The following ZFHX3 variants were observed in gnomAD, a reference collection of about 807,000 sequenced individuals.
The protein encoded by ZFHX3 is zinc finger homeobox protein 3.
A neutral mutation model predicts 279.1 loss-of-function variants in ZFHX3; 42 were observed. The observed-to-expected ratio is 0.15, with a 90% CI of 0.12 to 0.19. The LOEUF is 0.19. Among genes scored for constraint, ZFHX3 ranks in the 10% least tolerant of loss-of-function variants. The probability of loss-of-function intolerance (pLI) is 1.00; values close to 1 mark genes in which losing one functional copy is unlikely to be tolerated. For missense variants in ZFHX3, 4,981 were observed against 4,754.0 expected (o/e 1.05, Z -1.40); for synonymous variants, 2,293 against 1,957.8 (o/e 1.17, Z -4.52).
intron 1 of ZFHX3, among the ~76,000 whole-genome samples, chr16:73,008,940 ATG>A (rs1476127251): frequency 7.5e-4 from 96 of 127,662 alleles, no homozygotes; most frequent in African/African-American, 3.1e-3. Flanking sequence ...GTGTGTGTGT[ATG>A]TGTGTATATA....
intron 1 of ZFHX3, among the ~76,000 whole-genome samples, chr16:73,024,860 G>A (rs978826000): frequency 2.0e-5 from 3 of 152,174 alleles, no homozygotes; most frequent in Non-Finnish European, 4.4e-5. Flanking sequence ...GGATCCCACA[G>A]CTCAGCGGCT....
At chr16:73,318,745 C>T (rs775332384) in intron 3 of ZFHX3, among the ~76,000 whole-genome samples, 5 of 152,180 alleles carry the variant, frequency 3.3e-5, no homozygotes, top group Non-Finnish European at 7.3e-5. Flanking sequence ...CATTAGTAAA[C>T]TAACGGTATA....
intron 2 of ZFHX3, among the ~76,000 whole-genome samples, chr16:73,478,356 A>G (rs1299390630): frequency 1.3e-5 from 2 of 152,226 alleles, no homozygotes; most frequent in South Asian, 2.1e-4. Context: ...CTCAGATTAA[A>G]AGTCTGATGC....
intron 4 of ZFHX3, among the ~76,000 whole-genome samples, chr16:73,292,258 C>A (rs1295306022): frequency 6.6e-6 from 1 of 152,132 alleles, no homozygotes; most frequent in Admixed American, 6.5e-5. Flanking sequence ...GTGTCCTTTA[C>A]CGAGCACAGC....
At chr16:73,026,912 G>C (rs899211835) in intron 1 of ZFHX3, among the ~76,000 whole-genome samples, 1 of 152,188 alleles carries the variant, frequency 6.6e-6, no homozygotes, top group Non-Finnish European at 1.5e-5. Context: ...TTTGGAGCTA[G>C]AGCCTAGACT....
intron 3 of ZFHX3, among the ~76,000 whole-genome samples, chr16:73,366,782 T>G (rs544186193): frequency 6.6e-6 from 1 of 152,232 alleles, no homozygotes. Context: ...AGGTGAGAGC[T>G]CCAAGATTTC....
chr16:73,093,563 C>T (rs760316527), exon 8 of ZFHX3: 7 of 512,472 alleles, frequency 1.4e-5, no homozygotes, highest in South Asian at 2.9e-5. Context: ...AGCCATTTCT[C>T]GGCCTTGTCT....
At chr16:73,529,724 G>A (rs2019761008) in intron 2 of ZFHX3, among the ~76,000 whole-genome samples, 1 of 152,178 alleles carries the variant, frequency 6.6e-6, no homozygotes, top group African/African-American at 2.4e-5. Flanking sequence ...TAGTAATTCG[G>A]TGGAAAATGA....
chr16:73,082,197 T>G (rs765103568), intron 8 of ZFHX3, among the ~76,000 whole-genome samples: 1 of 152,076 alleles, frequency 6.6e-6, no homozygotes, highest in Non-Finnish European at 1.5e-5. Context: ...GCTTTTATCT[T>G]AGGTGCCTCA....
rs530259594 is a variant in ZFHX3 at position 73,550,228 on chromosome 16, G to A, written c.-1546-93970C>T. Among the ~76,000 whole-genome samples, 6 of 152,222 alleles carry A rather than the reference G, an allele frequency of 3.9e-5. No individual in the cohort carries two copies. The South Asian group carries it at 8.3e-4, about 21-fold the overall frequency. On this transcript the variant is annotated intron_variant, in intron 2 of 17. Coordinates refer to the ZFHX3 transcript ENST00000641206. ...CAGATGACGGCTCATTGAGGCAAAC[G>A]GGTATTGGCGTCCAAATCATTCTGA...
At chr16:72,961,232 G>C (rs951947092) in intron 1 of ZFHX3, among the ~76,000 whole-genome samples, 1 of 152,174 alleles carries the variant, frequency 6.6e-6, no homozygotes, top group Non-Finnish European at 1.5e-5. Flanking sequence ...GCGAGCCCCA[G>C]CTCCACACCT....
At chr16:73,778,661 C>T (rs1261986169) in intron 1 of ZFHX3, among the ~76,000 whole-genome samples, 1 of 152,204 alleles carries the variant, frequency 6.6e-6, no homozygotes, top group Admixed American at 6.5e-5. Context: ...TGTGCCTCTG[C>T]ACAGCGCTAA....
At chr16:73,290,869 T>C (rs951753063) in intron 4 of ZFHX3, among the ~76,000 whole-genome samples, 2 of 152,204 alleles carry the variant, frequency 1.3e-5, no homozygotes, top group African/African-American at 4.8e-5. Flanking sequence ...TAAATTCCTA[T>C]TCAGAGCAAA....
At chr16:73,478,329 G>A (rs1023854940) in intron 2 of ZFHX3, among the ~76,000 whole-genome samples, 4 of 151,752 alleles carry the variant, frequency 2.6e-5, no homozygotes, top group Admixed American at 6.6e-5. Flanking sequence ...CCTGAACAGG[G>A]ACTTGAACCC....
At chr16:73,409,926 G>A (rs967723116) in intron 3 of ZFHX3, among the ~76,000 whole-genome samples, 11 of 151,666 alleles carry the variant, frequency 7.3e-5, no homozygotes, top group African/African-American at 9.7e-5. Context: ...TTGAACTCAC[G>A]GAGATAAAGA....
chr16:73,769,043 T>C (rs1189533018), intron 1 of ZFHX3, among the ~76,000 whole-genome samples: 1 of 152,070 alleles, frequency 6.6e-6, no homozygotes, highest in Non-Finnish European at 1.5e-5. Flanking sequence ...TAAAAAATGA[T>C]TCATTGTTTA....
chr16:72,997,978 A>C (rs1963356939), intron 1 of ZFHX3, among the ~76,000 whole-genome samples: 1 of 152,120 alleles, frequency 6.6e-6, no homozygotes, highest in South Asian at 2.1e-4. Flanking sequence ...GCTACTCAGG[A>C]GGCTGGGATA....
At chr16:73,859,113 A>G (rs1180589672) in intron 1 of ZFHX3, among the ~76,000 whole-genome samples, 1 of 152,216 alleles carries the variant, frequency 6.6e-6, no homozygotes, top group South Asian at 2.1e-4. Context: ...TCAGTCCAAC[A>G]TGGGGAATTA....
intron 7 of ZFHX3, among the ~76,000 whole-genome samples, chr16:73,130,022 C>A (rs1007525220): frequency 2.0e-5 from 3 of 152,270 alleles, no homozygotes; most frequent in African/African-American, 4.8e-5. Flanking sequence ...TTCCAGAATG[C>A]AGAGGCGAAA....
Sources: allele counts gnomAD v4.1 joint callset (sites outside exome capture counted in the v4.1 genomes callset), GRCh38; gene constraint gnomAD v4.1.1; transcripts MANE v1.5; gene names NCBI Gene and HGNC (gene_info 2026-07-23, HGNC 2026-07-21).